Variants in NISCH observed in about 807,000 individuals in gnomAD.
NISCH encodes I-1 receptor candidate protein.
Under a neutral mutation model 138.4 loss-of-function variants are expected in NISCH, and 55 were observed. The observed-to-expected ratio is 0.40, with a 90% CI of 0.32 to 0.50. The LOEUF is 0.50. Ranked by LOEUF, NISCH falls within the 20% of genes least tolerant of loss-of-function variation. The pLI is 0.71. For synonymous variants in NISCH, 860 were observed against 861.5 expected (o/e 1.00, Z 0.03); for missense variants, 1,643 against 2,005.5 (o/e 0.82, Z 3.45).
intron 3 of NISCH, among the ~76,000 whole-genome samples, chr3:52,459,243 C>T (rs1176629972): frequency 6.6e-6 from 1 of 152,158 alleles, no homozygotes; most frequent in African/African-American, 2.4e-5. Context: ...GGAATATCAC[C>T]ATCTTGGGGC....
rs1362962280 is a variant in NISCH, at chr3:52,476,561, C to T, written c.880C>T (p.Leu294=). 1 of 1,614,178 alleles carries T rather than the reference C, an allele frequency of 6.2e-7. No individual in the cohort carries two copies. Among genetic ancestry groups the T allele is most frequent in the Admixed American group, 1.7e-5 (1 of 60,028 alleles). The change falls in exon 8 of 21, where the codon CTG becomes TTG. Residue 294 remains leucine, a synonymous_variant. Coordinates refer to ENST00000345716, the MANE Select transcript of NISCH (RefSeq NM_007184.4). ...PTWQALTTLD[L]SHNSVSEIDE... is the part of the protein sequence containing the mutation. ...TTGGCAGGCATTGACCACGCTTGAC[C>T]TGAGCCACAACAGCGTCTCCGAGAT... is the stretch of plus-strand genomic sequence containing the variant.
intron 7 of NISCH, among the ~76,000 whole-genome samples, chr3:52,474,520 T>G (rs1248588516): frequency 6.6e-6 from 1 of 152,046 alleles, no homozygotes; most frequent in African/African-American, 2.4e-5. Context: ...ATGGTCTCGA[T>G]CTCCTGACCT....
chr3:52,466,436 C>G (rs6782162), intron 3 of NISCH, among the ~76,000 whole-genome samples: 146,340 of 151,968 alleles, frequency 0.96, 70,514 homozygotes, highest in African/African-American at 0.99. Flanking sequence ...ATGGTGGCAC[C>G]CACCTGTAAT....
intron 2 of NISCH, 93 bp from the exon 3 acceptor site, chr3:52,458,569 C>T: frequency 1.8e-6 from 2 of 1,092,710 alleles, no homozygotes; most frequent in South Asian, 3.2e-5. Context: ...TGTGCAAGTG[C>T]TGACAAGCGC....
chr3:52,478,401 G>A, intron 10 of NISCH, 48 bp from the exon 11 acceptor site: 1 of 1,611,686 alleles, frequency 6.2e-7, no homozygotes, highest in Non-Finnish European at 8.5e-7. Context: ...GCGTGTTGCT[G>A]AAGTGTTAAG....
chr3:52,468,435 GAC>G (rs1180444005), intron 3 of NISCH, among the ~76,000 whole-genome samples: 1 of 152,204 alleles, frequency 6.6e-6, no homozygotes, highest in Middle Eastern at 3.2e-3. Flanking sequence ...CAGGCGATCT[GAC>G]AGCAGGGAGG....
Position 52,488,428 on chromosome 3 carries a change from G to A in NISCH, c.2936G>A (p.Arg979His), listed in dbSNP as rs773401264. ...GHVLELLVGY[R>H]FVTAIFVLPH... Reference sequence around the variant, plus strand: ...GTGCTAGAGCTGCTCGTGGGGTACCGCTTTGTCACTGCCATCTTCGTGCTG... The same window carrying A: ...GTGCTAGAGCTGCTCGTGGGGTACCACTTTGTCACTGCCATCTTCGTGCTG... Residue 979 changes from arginine (R) to histidine (H), a missense_variant, in exon 16 of 21, where the codon CGC (arginine) becomes CAC (histidine). Coordinates refer to ENST00000345716, the MANE Select transcript of NISCH (RefSeq NM_007184.4). The A allele has an allele frequency of 3.1e-6, 5 of 1,613,758 alleles. No homozygotes were observed. The Admixed American group carries it at 6.7e-5, about 22-fold the overall frequency.
chr3:52,473,179 T>C (rs1375802823), intron 6 of NISCH, among the ~76,000 whole-genome samples: 3 of 152,190 alleles, frequency 2.0e-5, no homozygotes, highest in South Asian at 2.1e-4. Context: ...CTAGGGAAAC[T>C]TGTGGTGTGC....
rs1305510133 is a variant in NISCH at position 52,491,854 on chromosome 3, G to A, written c.3905-18G>A. 20 of 1,568,958 alleles carry A rather than the reference G, an allele frequency of 1.3e-5. No homozygotes were observed. The East Asian group carries it at 4.5e-4, about 35-fold the overall frequency. The stretch of plus-strand genomic sequence containing the variant: ...GGGGCCGGTTCCAGGCTATAGCCCA[G>A]GTGGCATCTCTCTGCAGGGAAGATG... On this transcript the variant is annotated intron_variant, in intron 20 of 20. Transcript: ENST00000345716.
chr3:52,455,699 CG>C lies in NISCH; in HGVS notation c.59del (p.Arg20ProfsTer27). 7.3e-7 allele frequency: 1 copy of C among 1,365,052 alleles called. No individual in the cohort carries two copies. Among genetic ancestry groups the C allele is most frequent in the Non-Finnish European group, 9.5e-7 (1 of 1,048,426 alleles). 84.6% of individuals were successfully genotyped at this position (1,365,052 alleles called of 1,614,324 possible). On this transcript the variant is annotated frameshift_variant, in exon 1 of 21. Transcript: ENST00000345716. LOFTEE classifies it high-confidence loss of function. ...EREAEPAKEA[R>X]VVGSELVDTY... ...GGAAGCCGAGCCGGCCAAGGAAGCGCGCGTCGTGGGCTCGGAGCTTGTGGAC... is the reference window on the plus strand; with the variant it reads ...GGAAGCCGAGCCGGCCAAGGAAGCGCCGTCGTGGGCTCGGAGCTTGTGGAC...
intron 13 of NISCH, among the ~76,000 whole-genome samples, chr3:52,482,266 G>C (rs976710925): frequency 1.4e-4 from 21 of 152,212 alleles, no homozygotes; most frequent in African/African-American, 5.1e-4. Context: ...CCTGATTCCC[G>C]AGAAGGGAGC....
At chr3:52,459,890 A>AG (rs2153230580) in intron 3 of NISCH, among the ~76,000 whole-genome samples, 1 of 151,968 alleles carries the variant, frequency 6.6e-6, no homozygotes, top group African/African-American at 2.4e-5. Context: ...GGTTAAAAAA[A>AG]AAAAATCAGG....
chr3:52,477,769 T>G (rs772143853), intron 9 of NISCH, 127 bp downstream of exon 9: 24 of 778,084 alleles, frequency 3.1e-5, no homozygotes, highest in Non-Finnish European at 4.5e-5. Context: ...GTCTTCGCTT[T>G]AGGATCCCAG....
intron 3 of NISCH, among the ~76,000 whole-genome samples, chr3:52,469,769 G>C (rs895706644): frequency 1.3e-5 from 2 of 152,078 alleles, no homozygotes; most frequent in African/African-American, 4.8e-5. Flanking sequence ...GCAGGAATTA[G>C]CTGGGCATCT....
intron 1 of NISCH, among the ~76,000 whole-genome samples, chr3:52,457,486 G>A (rs1432978924): frequency 1.3e-5 from 2 of 152,170 alleles, no homozygotes; most frequent in African/African-American, 2.4e-5. Context: ...CTGCAGCTCC[G>A]GTTGGGTTTT....
Position 52,471,929 on chromosome 3 carries a change from C to T in NISCH, c.525C>T (p.Thr175=), listed in dbSNP as rs150124723. The T allele has an allele frequency of 1.9e-4, 311 of 1,611,092 alleles. No homozygotes were observed. The highest frequency in any genetic ancestry group is 1.4e-3 in the African/African-American group (107 of 74,992). ...CGTGCGCCAGTGGGGATGCCAAGACCGACCTCGGGCACATCCTGGACTTCA... is the reference window on the plus strand; with the variant it reads ...CGTGCGCCAGTGGGGATGCCAAGACTGACCTCGGGCACATCCTGGACTTCA... ...KPTCASGDAK[T]DLGHILDFTC... is the part of the protein sequence containing the mutation. Residue 175 remains threonine (T), a synonymous_variant, in exon 5 of 21, where the codon ACC becomes ACT. Transcript: ENST00000345716.
At chr3:52,482,042 C>CA in intron 13 of NISCH, 2 of 456,514 alleles carry the variant, frequency 4.4e-6, no homozygotes, top group South Asian at 9.3e-5. Context: ...CGGTCCAGGA[C>CA]GGGAGCAGAT....
At chr3:52,485,676 C>T (rs925245411) in intron 14 of NISCH, 102 bp from the exon 15 acceptor site, 50 of 1,290,082 alleles carry the variant, frequency 3.9e-5, no homozygotes, top group East Asian at 3.3e-4. Context: ...CTCCTCAGGG[C>T]GGTGATGGAG....
Position 52,457,914 on chromosome 3 carries a change from C to T in NISCH, c.165C>T (p.Asp55=). 1 of 1,607,558 alleles carries T rather than the reference C, an allele frequency of 6.2e-7. No individual in the cohort carries two copies. Among genetic ancestry groups the T allele is most frequent in the Non-Finnish European group, 8.5e-7 (1 of 1,174,420 alleles). Reference sequence around the variant, plus strand: ...AGCACCGCTACAGCGACTTCCATGACCTGCATGAAAAGGTAACTGTTAAGA... The same window carrying T: ...AGCACCGCTACAGCGACTTCCATGATCTGCATGAAAAGGTAACTGTTAAGA... ...TVKHRYSDFH[D]LHEKLVAERK... Residue 55 remains aspartate (D), a synonymous_variant, in exon 2 of 21, where the codon GAC becomes GAT. Transcript: ENST00000345716.
Sources: gnomAD v4.1 joint callset for allele counts (sites outside exome capture counted in the v4.1 genomes callset) on GRCh38, gnomAD v4.1.1 for gene constraint, MANE v1.5 for transcripts, NCBI Gene and HGNC (gene_info 2026-07-23, HGNC 2026-07-21) for gene names.